Variants in ASPH observed in about 807,000 individuals in gnomAD.
ASPH encodes aspartate beta-hydroxylase.
Under a neutral mutation model 118.4 loss-of-function variants are expected in ASPH, and 100 were observed. The observed-to-expected ratio is 0.84, with a 90% confidence interval of 0.72 to 1.00. The LOEUF (loss-of-function observed/expected upper bound fraction) is 1.00, where lower values mean the gene tolerates loss of function less well. ASPH is among the 50% of genes least tolerant of loss of function. The pLI is 0.00. For synonymous variants in ASPH, 315 were observed against 325.6 expected, an observed-to-expected ratio of 0.97 and a Z score of 0.35; for missense variants, 920 against 919.5, an observed-to-expected ratio of 1.00 and a Z score of -0.01.
rs1488054790 is a variant in ASPH, at chr8:61,638,338, T to A, written c.816A>T (p.Glu272Asp). ...EQAVYEPLEN[E>D]GIEITEVTAP... ...AAAACTTACCTGTGATTTCTATCCCTTCATTTTCTAGAGGTTCATATACTG... is the reference window on the plus strand; with the variant it reads ...AAAACTTACCTGTGATTTCTATCCCATCATTTTCTAGAGGTTCATATACTG... Residue 272 changes from glutamate (E) to aspartate (D), a missense_variant, in exon 11 of 25, where the codon GAA becomes GAT. Coordinates refer to ENST00000379454, the MANE Select transcript of ASPH (RefSeq NM_004318.4). The A allele has an allele frequency of 1.3e-6, 2 of 1,596,684 alleles. No homozygotes were observed. Among genetic ancestry groups the A allele is most frequent in the Admixed American group, 3.6e-5 (2 of 55,442 alleles).
chr8:61,548,839 C>T (rs1824838338), intron 20 of ASPH, among the ~76,000 whole-genome samples: 1 of 152,024 alleles, frequency 6.6e-6, no homozygotes, highest in Non-Finnish European at 1.5e-5. Context: ...TTTTTTTCTG[C>T]CATAAGGGAT....
chr8:61,590,759 T>C (rs1840874575), intron 14 of ASPH, among the ~76,000 whole-genome samples: 2 of 152,178 alleles, frequency 1.3e-5, no homozygotes, highest in Non-Finnish European at 2.9e-5. Flanking sequence ...GACTCTCGAA[T>C]ATGGCATGAA....
At chr8:61,668,361 C>T (rs1820750145) in intron 3 of ASPH, 1 of 1,010,872 alleles carries the variant, frequency 9.9e-7, no homozygotes, top group African/African-American at 1.6e-5. Context: ...TAGGTAAAAT[C>T]AATGCCACTA....
chr8:61,581,157 C>T (rs1469296513), intron 15 of ASPH, among the ~76,000 whole-genome samples: 2 of 152,208 alleles, frequency 1.3e-5, no homozygotes, highest in South Asian at 2.1e-4. Context: ...AAGACAGAGG[C>T]TCTGTGACTT....
chr8:61,547,759 C>T (rs1357188039), intron 21 of ASPH, among the ~76,000 whole-genome samples: 1 of 151,778 alleles, frequency 6.6e-6, no homozygotes, highest in Non-Finnish European at 1.5e-5. Context: ...TTTTCTTTCA[C>T]TTTTAATGTC....
intron 14 of ASPH, 21 bp from the exon 15 acceptor site, chr8:61,584,050 T>C: frequency 2.8e-6 from 4 of 1,420,538 alleles, no homozygotes; most frequent in Non-Finnish European, 3.9e-6. Context: ...AAAGAGATTT[T>C]TATTTTTAAC....
At chr8:61,632,556 C>G in intron 13 of ASPH, 1 of 316,738 alleles carries the variant, frequency 3.2e-6, no homozygotes, top group Non-Finnish European at 6.2e-6. Flanking sequence ...ATTTTAAACA[C>G]AAATACACAC....
chr8:61,553,791 C>G (rs73263158), intron 19 of ASPH, among the ~76,000 whole-genome samples: 2,315 of 152,218 alleles, frequency 0.015, 58 homozygotes, highest in African/African-American at 0.053. Context: ...AATATTAAAG[C>G]AACAGAATGC....
chr8:61,592,302 CCTGA>C (rs1394600908), intron 14 of ASPH, among the ~76,000 whole-genome samples: 2 of 152,142 alleles, frequency 1.3e-5, no homozygotes, highest in African/African-American at 4.8e-5. Context: ...GGGAAATGTG[CCTGA>C]CTCTTATTAA....
intron 15 of ASPH, among the ~76,000 whole-genome samples, chr8:61,581,108 A>G (rs1837382769): frequency 6.6e-6 from 1 of 152,174 alleles, no homozygotes. Context: ...AAATAATGGG[A>G]TATTTTGGCT....
Position 61,643,434 on chromosome 8 carries a change from C to T in ASPH, c.710-1G>A, listed in dbSNP as rs1806247926. The T allele has an allele frequency of 6.2e-7, 1 of 1,602,870 alleles. No homozygotes were observed. Among genetic ancestry groups the T allele is most frequent in the African/African-American group, 1.3e-5 (1 of 74,884 alleles). Reference sequence around the variant, plus strand: ...TCTTCTACTACTGGTTCACTGGAATCTAAAAAACAAAAACACACCTTTGCC... The same window carrying T: ...TCTTCTACTACTGGTTCACTGGAATTTAAAAAACAAAAACACACCTTTGCC... On this transcript the variant is annotated splice_acceptor_variant, in intron 8 of 24. Coordinates refer to ENST00000379454, the MANE Select transcript of ASPH (RefSeq NM_004318.4). LOFTEE classifies it high-confidence loss of function.
intron 1 of ASPH, among the ~76,000 whole-genome samples, chr8:61,713,623 G>A (rs1348291405): frequency 1.3e-5 from 2 of 152,180 alleles, no homozygotes; most frequent in East Asian, 3.8e-4. Context: ...GGAGAAAGGT[G>A]AATATCCAAT....
intron 1 of ASPH, among the ~76,000 whole-genome samples, chr8:61,707,239 TAA>T (rs763178106): frequency 6.2e-5 from 9 of 145,504 alleles, no homozygotes; most frequent in African/African-American, 1.7e-4. Context: ...TTCAGGATAT[TAA>T]AAAAAAAAAA....
intron 1 of ASPH, among the ~76,000 whole-genome samples, chr8:61,697,618 G>A (rs532218850): frequency 1.3e-5 from 2 of 152,234 alleles, no homozygotes; most frequent in African/African-American, 2.4e-5. Context: ...TGATTAATGC[G>A]CTAAAGGGGT....
chr8:61,525,983 G>A lies in ASPH; in HGVS notation c.1894C>T (p.Gln632Ter), dbSNP rs1374439250. 7 of 1,613,822 alleles carry A rather than the reference G, an allele frequency of 4.3e-6. No homozygotes were observed. Among genetic ancestry groups the A allele is most frequent in the Non-Finnish European group, 5.1e-6 (6 of 1,179,866 alleles). Reference sequence around the variant, plus strand: ...CTAGAAGTCAGAAACTCACCTTGCTGCCACAGCGTGAACTGGCTCCAGTCC... The same window carrying A: ...CTAGAAGTCAGAAACTCACCTTGCTACCACAGCGTGAACTGGCTCCAGTCC... Reference protein sequence around the residue: ...KGDWSQFTLWQQGRRNENACK... With the variant: ...KGDWSQFTLW The change falls in exon 22 of 25, where the codon CAG becomes TAG. Residue 632 changes from glutamine to a stop codon, truncating the protein, a stop_gained. Transcript: ENST00000379454. LOFTEE classifies it high-confidence loss of function.
chr8:61,608,467 T>C (rs867682207), intron 14 of ASPH, among the ~76,000 whole-genome samples: 1 of 152,218 alleles, frequency 6.6e-6, no homozygotes, highest in South Asian at 2.1e-4. Context: ...TTACCATTTG[T>C]GGCTCATATG....
At chr8:61,511,735 C>G (rs1221698760) in intron 24 of ASPH, among the ~76,000 whole-genome samples, 1 of 152,194 alleles carries the variant, frequency 6.6e-6, no homozygotes, top group East Asian at 1.9e-4. Context: ...TCCCAAGTAG[C>G]TGGGATTACA....
chr8:61,562,389 C>CTCTGGGTGTGTG (rs71257370), intron 18 of ASPH, among the ~76,000 whole-genome samples: 1 of 128,994 alleles, frequency 7.8e-6, no homozygotes, highest in Non-Finnish European at 1.6e-5. Context: ...GAAAGTGTGT[C>CTCTGGGTGTGTG]TGTGTGTGTG....
chr8:61,579,853 C>CAATTCAATT, intron 15 of ASPH, among the ~76,000 whole-genome samples: 1 of 126,186 alleles, frequency 7.9e-6, no homozygotes. Flanking sequence ...AGCTACAAAA[C>CAATTCAATT]AATTCAATTG....
Sources: gnomAD v4.1 joint callset for allele counts (sites outside exome capture counted in the v4.1 genomes callset) on GRCh38, gnomAD v4.1.1 for gene constraint, MANE v1.5 for transcripts, NCBI Gene and HGNC (gene_info 2026-07-23, HGNC 2026-07-21) for gene names.